The following OR3A2 variants were observed in gnomAD, a reference collection of about 807,000 sequenced individuals.
OR3A2 encodes olfactory receptor family 3 subfamily A member 2.
For missense variants in OR3A2, 318 were observed against 392.8 expected, an observed-to-expected ratio of 0.81 and a Z score of 1.61; for synonymous variants, 126 against 159.3, an observed-to-expected ratio of 0.79 and a Z score of 1.57.
intron 1 of OR3A2, among the ~76,000 whole-genome samples, chr17:3,280,918 T>G (rs754845110): frequency 2.6e-5 from 4 of 152,186 alleles, no homozygotes; most frequent in Non-Finnish European, 5.9e-5. Context: ...CGGTCTTAAC[T>G]GGTCTCACTA....
intron 3 of OR3A2, among the ~76,000 whole-genome samples, chr17:3,334,194 T>C (rs537483977): frequency 6.6e-6 from 1 of 152,310 alleles, no homozygotes; most frequent in East Asian, 1.9e-4. Flanking sequence ...GAAGACAGTA[T>C]GGCGATTCCT....
intron 2 of OR3A2, among the ~76,000 whole-genome samples, chr17:3,338,664 G>A (rs28791562): frequency 0.15 from 23,037 of 152,100 alleles, 2,322 homozygotes; most frequent in African/African-American, 0.28. Flanking sequence ...TGCTGTTTTG[G>A]TTACTGCAGC....
At chr17:3,342,134 T>C (rs906538646) in intron 2 of OR3A2, among the ~76,000 whole-genome samples, 1 of 152,212 alleles carries the variant, frequency 6.6e-6, no homozygotes, top group African/African-American at 2.4e-5. Flanking sequence ...TAAAGTCTTC[T>C]CTACACTGTT....
chr17:3,293,687 C>T (rs539398724), intron 3 of OR3A2, among the ~76,000 whole-genome samples: 1 of 152,060 alleles, frequency 6.6e-6, no homozygotes, highest in Non-Finnish European at 1.5e-5. Context: ...TGTTACCTGG[C>T]AAAGACATGG....
rs57494626 is a variant in OR3A2 at position 3,346,556 on chromosome 17, A to G, written c.-178-10430T>C. Among the ~76,000 whole-genome samples, 433 of 152,074 alleles carry G rather than the reference A, an allele frequency of 2.8e-3. 2 individuals are homozygous for G. Among genetic ancestry groups the G allele is most frequent in the African/African-American group, 8.7e-3 (359 of 41,488 alleles). On this transcript the variant is annotated intron_variant, in intron 2 of 4. Transcript: ENST00000573491. ...ACAATCCAATTATAGCAATTATACT[A>G]TTTCAGTTATTTCAAAATGTACAAA...
chr17:3,371,206 C>T (rs188966067), intron 2 of OR3A2, among the ~76,000 whole-genome samples: 1 of 151,748 alleles, frequency 6.6e-6, no homozygotes, highest in African/African-American at 2.4e-5. Flanking sequence ...GGCAGAGGCG[C>T]CCCTCACCTC....
intron 2 of OR3A2, among the ~76,000 whole-genome samples, chr17:3,350,627 C>T (rs1332874544): frequency 1.3e-5 from 2 of 150,172 alleles, no homozygotes; most frequent in Non-Finnish European, 3.0e-5. Context: ...GGTACCATTC[C>T]TTCTGAAACT....
chr17:3,375,139 CTTTT>C lies in OR3A2; in HGVS notation c.-179+8661_-179+8664del, dbSNP rs552615698. On this transcript the variant is annotated intron_variant, in intron 2 of 4. Coordinates refer to the OR3A2 transcript ENST00000573491. The stretch of plus-strand genomic sequence containing the variant: ...TATCTGGCAATTCAGAGCCTTCTTC[CTTTT>C]TTTTTTTTTTTTTTTTTTTTTTTTT... Among the ~76,000 whole-genome samples the C allele has an allele frequency of 8.4e-3, 241 of 28,656 alleles. 1 individual carries two copies. Among genetic ancestry groups the C allele is most frequent in the African/African-American group, 0.024 (214 of 9,106 alleles). The allele number at this position is 28,656 out of a possible 152,430, so 18.8% of individuals were successfully genotyped here. A position where few individuals can be genotyped will look rare whatever the true frequency, so the allele number is the denominator to read the frequency against.
At chr17:3,362,186 T>C (rs1027875811) in intron 2 of OR3A2, among the ~76,000 whole-genome samples, 26 of 151,922 alleles carry the variant, frequency 1.7e-4, no homozygotes, top group African/African-American at 5.3e-4. Flanking sequence ...TCTTCTAGAT[T>C]TTCTAGTTTA....
intron 2 of OR3A2, among the ~76,000 whole-genome samples, chr17:3,353,871 A>G (rs1335710731): frequency 6.6e-6 from 1 of 151,168 alleles, no homozygotes; most frequent in Admixed American, 6.6e-5. Context: ...TATTGACTAT[A>G]GTCACCCCAC....
At chr17:3,290,406 C>G (rs2048854652) in intron 3 of OR3A2, among the ~76,000 whole-genome samples, 1 of 152,150 alleles carries the variant, frequency 6.6e-6, no homozygotes, top group African/African-American at 2.4e-5. Context: ...CTCCCTATTC[C>G]TCATCTTTCC....
chr17:3,317,068 G>A (rs562181623), intron 3 of OR3A2, among the ~76,000 whole-genome samples: 147 of 152,200 alleles, frequency 9.7e-4, no homozygotes, highest in African/African-American at 2.7e-3. Flanking sequence ...GCTATTAAAC[G>A]GACAGGCAAT....
chr17:3,292,090 C>T (rs752006235), intron 3 of OR3A2: 4 of 1,614,162 alleles, frequency 2.5e-6, no homozygotes, highest in Non-Finnish European at 3.4e-6. Context: ...GTGGACATGG[C>T]CACAGTGTGG....
chr17:3,328,652 G>C (rs200942760), intron 3 of OR3A2, among the ~76,000 whole-genome samples: 2,817 of 114,374 alleles, frequency 0.025, no homozygotes, highest in African/African-American at 0.038. Flanking sequence ...CAAAGGGAAT[G>C]CTTCCAGTTT....
chr17:3,377,713 G>A (rs530572141), intron 2 of OR3A2: 3 of 152,302 alleles, frequency 2.0e-5, no homozygotes, highest in African/African-American at 7.2e-5. Context: ...GGATAGCTGA[G>A]ACCATACAGA....
In OR3A2 at chr17:3,367,605, A is replaced by G. The variant is rs948010702; in HGVS notation, c.-179+16199T>C. ...TATGTATATGTGTGTGTGTGTGTAT[A>G]TATATATATATATATATGCCATTTT... On this transcript the variant is annotated intron_variant, in intron 2 of 4. Coordinates refer to the OR3A2 transcript ENST00000573491. Among the ~76,000 whole-genome samples, 85 of 144,332 alleles carry G rather than the reference A, an allele frequency of 5.9e-4. 1 individual carries two copies. The East Asian group carries it at 8.0e-3, about 14-fold the overall frequency. 94.7% of individuals were successfully genotyped at this position (144,332 alleles called of 152,430 possible). A position where few individuals can be genotyped will look rare whatever the true frequency, so the allele number is the denominator to read the frequency against.
intron 3 of OR3A2, among the ~76,000 whole-genome samples, chr17:3,308,905 G>GTATTTTATATTATTT (rs1555526099): frequency 2.7e-5 from 4 of 150,498 alleles, no homozygotes; most frequent in African/African-American, 9.8e-5. Flanking sequence ...GGATCACTGA[G>GTATTTTATATTATTT]TATTTTATTT....
rs564779376 is a variant in OR3A2, at chr17:3,347,354, T to C, written c.-178-11228A>G. 3.8e-4 allele frequency among the ~76,000 whole-genome samples: 58 copies of C among 152,260 alleles called. 2 individuals carry two copies. In the Middle Eastern group the frequency reaches 0.01, roughly 27 times the overall value. ...GGTGCGCTGCACCCACTAACTCATCTTCTAGCATTAGGTATATCTCCCAAT... is the reference window on the plus strand; with the variant it reads ...GGTGCGCTGCACCCACTAACTCATCCTCTAGCATTAGGTATATCTCCCAAT... On this transcript the variant is annotated intron_variant, in intron 2 of 4. Transcript: ENST00000573491.
At chr17:3,377,216 A>C (rs889513409) in intron 2 of OR3A2, among the ~76,000 whole-genome samples, 2 of 152,172 alleles carry the variant, frequency 1.3e-5, no homozygotes, top group African/African-American at 4.8e-5. Context: ...TGTCCAACCA[A>C]GGGGGAGCTG....
Sources: gnomAD v4.1 joint callset for allele counts (sites outside exome capture counted in the v4.1 genomes callset) on GRCh38, gnomAD v4.1.1 for gene constraint, MANE v1.5 for transcripts, NCBI Gene and HGNC (gene_info 2026-07-23, HGNC 2026-07-21) for gene names.